Variants in SGCD observed in about 807,000 individuals in gnomAD.
The protein encoded by SGCD is sarcoglycan delta, also known as delta-sarcoglycan.
Under a neutral mutation model 36.6 loss-of-function variants are expected in SGCD, and 18 were observed. The observed-to-expected ratio is 0.49, with a 90% CI of 0.34 to 0.73. The LOEUF is 0.73. SGCD is among the 30% of genes least tolerant of loss of function. SGCD has a pLI of 0.01. For missense variants in SGCD, 387 were observed against 346.7 expected (o/e 1.12, Z -0.92); for synonymous variants, 133 against 130.6 (o/e 1.02, Z -0.12).
At chr5:156,025,306 A>T (rs1215141450) in intron 1 of SGCD, among the ~76,000 whole-genome samples, 2 of 152,216 alleles carry the variant, frequency 1.3e-5, no homozygotes, top group Non-Finnish European at 2.9e-5. Context: ...TCTCCCACTC[A>T]TATCTCATTA....
chr5:156,028,885 C>G (rs1423659586), intron 1 of SGCD, among the ~76,000 whole-genome samples: 2 of 152,150 alleles, frequency 1.3e-5, no homozygotes, highest in Admixed American at 1.3e-4. Flanking sequence ...GTTAATATTA[C>G]TAATTAAAAG....
intron 1 of SGCD, among the ~76,000 whole-genome samples, chr5:155,953,121 T>G (rs1757577478): frequency 1.3e-5 from 2 of 152,170 alleles, no homozygotes; most frequent in Admixed American, 6.5e-5. Context: ...TTACTCTTCC[T>G]GAGCAAGCCA....
intron 7 of SGCD, among the ~76,000 whole-genome samples, chr5:156,679,925 A>G (rs1438356514): frequency 6.6e-6 from 1 of 152,206 alleles, no homozygotes; most frequent in Admixed American, 6.5e-5. Flanking sequence ...GCTGCCTATC[A>G]AAGTATTTTC....
At chr5:156,259,690 A>G (rs1170796275) in intron 3 of SGCD, among the ~76,000 whole-genome samples, 1 of 152,156 alleles carries the variant, frequency 6.6e-6, no homozygotes, top group Non-Finnish European at 1.5e-5. Context: ...TTGTATTGGT[A>G]ACATAATCCT....
At chr5:156,220,761 G>A (rs1241633338) in intron 3 of SGCD, among the ~76,000 whole-genome samples, 1 of 152,056 alleles carries the variant, frequency 6.6e-6, no homozygotes, top group Non-Finnish European at 1.5e-5. Context: ...ACCTTTTCCT[G>A]CAACATTTCT....
At chr5:156,562,404 C>G (rs910341746) in intron 4 of SGCD, among the ~76,000 whole-genome samples, 4 of 152,036 alleles carry the variant, frequency 2.6e-5, no homozygotes, top group Admixed American at 2.0e-4. Flanking sequence ...AAGACATATC[C>G]TGGCCAAAGT....
At chr5:156,471,258 C>T (rs952361714) in intron 3 of SGCD, among the ~76,000 whole-genome samples, 8 of 152,076 alleles carry the variant, frequency 5.3e-5, no homozygotes, top group African/African-American at 1.9e-4. Flanking sequence ...GTGTTAATGC[C>T]GTCATGATCA....
At chr5:156,418,321 G>A (rs1773144996) in intron 3 of SGCD, among the ~76,000 whole-genome samples, 1 of 152,168 alleles carries the variant, frequency 6.6e-6, no homozygotes, top group Non-Finnish European at 1.5e-5. Context: ...CTGATCCTAA[G>A]CAGAAAGGAT....
At chr5:156,572,225 G>T (rs534016973) in intron 4 of SGCD, among the ~76,000 whole-genome samples, 1 of 152,106 alleles carries the variant, frequency 6.6e-6, no homozygotes, top group Non-Finnish European at 1.5e-5. Context: ...ACAAGTTTTT[G>T]TTTGAATATC....
chr5:156,056,632 G>T (rs1440381134), intron 1 of SGCD, among the ~76,000 whole-genome samples: 1 of 87,432 alleles, frequency 1.1e-5, no homozygotes, highest in African/African-American at 7.0e-5. Flanking sequence ...TCCCCTACCT[G>T]CCAAATTATC....
At chr5:156,681,720 T>G (rs1409872950) in intron 7 of SGCD, among the ~76,000 whole-genome samples, 1 of 152,206 alleles carries the variant, frequency 6.6e-6, no homozygotes, top group Non-Finnish European at 1.5e-5. Context: ...AGTTTGGATT[T>G]CAACCTATAG....
At chr5:156,699,942 T>C (rs1754465313) in intron 7 of SGCD, among the ~76,000 whole-genome samples, 2 of 152,174 alleles carry the variant, frequency 1.3e-5, no homozygotes, top group Non-Finnish European at 2.9e-5. Context: ...AAGTAGTAGC[T>C]AAGTGAACAG....
chr5:156,183,061 C>T (rs1397984429), intron 3 of SGCD, among the ~76,000 whole-genome samples: 2 of 152,140 alleles, frequency 1.3e-5, no homozygotes, highest in African/African-American at 4.8e-5. Context: ...GGGTGGATCA[C>T]TTGAGGCCAG....
chr5:156,366,946 T>A (rs1770139878), intron 3 of SGCD, among the ~76,000 whole-genome samples: 1 of 152,216 alleles, frequency 6.6e-6, no homozygotes, highest in Non-Finnish European at 1.5e-5. Context: ...ATGGTTTATC[T>A]TCTATAAAGA....
chr5:156,280,597 A>G (rs1766429001), intron 3 of SGCD, among the ~76,000 whole-genome samples: 2 of 152,358 alleles, frequency 1.3e-5, no homozygotes, highest in South Asian at 4.1e-4. Flanking sequence ...ATGCAGGGCA[A>G]AGAAGAAACA....
intron 4 of SGCD, among the ~76,000 whole-genome samples, chr5:156,572,781 C>T (rs1258006650): frequency 6.6e-6 from 1 of 152,116 alleles, no homozygotes; most frequent in Non-Finnish European, 1.5e-5. Flanking sequence ...TGACATCACC[C>T]CTTTCCAACC....
intron 3 of SGCD, among the ~76,000 whole-genome samples, chr5:156,432,646 C>T (rs1753073212): frequency 6.6e-6 from 1 of 152,088 alleles, no homozygotes; most frequent in Non-Finnish European, 1.5e-5. Context: ...GCTGTGGCCA[C>T]TGTGGGGGAT....
intron 3 of SGCD, among the ~76,000 whole-genome samples, chr5:156,417,445 T>C (rs1325746999): frequency 6.6e-6 from 1 of 152,134 alleles, no homozygotes; most frequent in Non-Finnish European, 1.5e-5. Flanking sequence ...TTGCAAACAA[T>C]TTTTAGAGAA....
At chr5:156,361,226 C>A (rs1396878491) in intron 3 of SGCD, among the ~76,000 whole-genome samples, 3 of 152,186 alleles carry the variant, frequency 2.0e-5, no homozygotes, top group African/African-American at 7.2e-5. Context: ...AATAGGGCAC[C>A]CCTGTTGCAA....
Sources: allele counts gnomAD v4.1 joint callset (sites outside exome capture counted in the v4.1 genomes callset), GRCh38; gene constraint gnomAD v4.1.1; transcripts MANE v1.5; gene names NCBI Gene and HGNC (gene_info 2026-07-23, HGNC 2026-07-21).